The following RBFOX3 variants were observed in gnomAD, a reference collection of about 807,000 sequenced individuals.
RBFOX3 encodes the protein RNA binding fox-1 homolog 3, also known as RNA binding protein fox-1 homolog 3.
In RBFOX3, 17 loss-of-function variants were observed where a neutral mutation model predicts 48.7. The observed-to-expected ratio is 0.35, with a 90% confidence interval of 0.24 to 0.52. The LOEUF (loss-of-function observed/expected upper bound fraction) is 0.52, where lower values mean the gene tolerates loss of function less well. Ranked by LOEUF, RBFOX3 falls within the 20% of genes least tolerant of loss-of-function variation. The probability of loss-of-function intolerance (pLI) is 0.94; values close to 1 mark genes in which losing one functional copy is unlikely to be tolerated. For missense variants in RBFOX3, 382 were observed against 497.5 expected (o/e 0.77, Z 2.21); for synonymous variants, 212 against 209.5 (o/e 1.01, Z -0.10).
chr17:79,099,569 G>A (rs902147517), intron 9 of RBFOX3: 1 of 152,270 alleles, frequency 6.6e-6, no homozygotes, highest in Non-Finnish European at 1.5e-5. Flanking sequence ...ACTCTTCTGG[G>A]TCCACTCTGG....
At chr17:79,157,161 T>G (rs2045993511) in intron 4 of RBFOX3, among the ~76,000 whole-genome samples, 1 of 152,164 alleles carries the variant, frequency 6.6e-6, no homozygotes, top group African/African-American at 2.4e-5. Context: ...CTCTCTCCTT[T>G]GCGTGTCTCA....
chr17:79,469,131 A>C (rs932853957), intron 2 of RBFOX3, among the ~76,000 whole-genome samples: 1 of 142,718 alleles, frequency 7.0e-6, no homozygotes, highest in African/African-American at 2.8e-5. Flanking sequence ...TCTATAGAGG[A>C]GAAAATGTAG....
At position 79,103,303 on chromosome 17, in the gene RBFOX3, G is replaced by T; in HGVS notation, c.415-49C>A. 1.5e-6 allele frequency: 2 copies of T among 1,303,760 alleles called. No homozygotes were observed. Among genetic ancestry groups the T allele is most frequent in the Non-Finnish European group, 2.2e-6 (2 of 922,026 alleles). The allele number at this position is 1,303,760 out of a possible 1,614,324, so 80.8% of individuals were successfully genotyped here. The stretch of plus-strand genomic sequence containing the variant: ...ACAGGCACGGAGAGGAGGACACAGG[G>T]CGAGAAAGAGGAGGAAGACGAGGAA... On this transcript the variant is annotated intron_variant, in intron 7 of 14. Coordinates refer to ENST00000693108, the MANE Select transcript of RBFOX3 (RefSeq NM_001350451.2). This position sits in a 1 kb window ranked among gnomAD's most constrained non-coding sequence, Gnocchi z 6.1.
chr17:79,144,471 G>A (rs2042609912), intron 4 of RBFOX3, among the ~76,000 whole-genome samples: 1 of 152,166 alleles, frequency 6.6e-6, no homozygotes, highest in African/African-American at 2.4e-5. Context: ...GCTCTTTCCT[G>A]GTGTGGGGCA....
At chr17:79,187,438 C>T (rs1365168007) in intron 4 of RBFOX3, among the ~76,000 whole-genome samples, 7 of 152,314 alleles carry the variant, frequency 4.6e-5, no homozygotes, top group Admixed American at 2.6e-4. Context: ...TGCTTGGCCG[C>T]GCCAAGCCGA....
chr17:79,216,318 T>C (rs143889155), intron 4 of RBFOX3, among the ~76,000 whole-genome samples: 42 of 152,216 alleles, frequency 2.8e-4, no homozygotes, highest in African/African-American at 7.9e-4. Context: ...ACAGGGTCCA[T>C]GTGAGGAAGT....
chr17:79,605,234 C>A (rs1052228574), intron 1 of RBFOX3, among the ~76,000 whole-genome samples: 296 of 152,208 alleles, frequency 1.9e-3, no homozygotes, highest in African/African-American at 5.7e-3. Context: ...AGACAAGATG[C>A]CTTGGCACAC....
At chr17:79,388,715 A>C (rs1464164525) in intron 2 of RBFOX3, among the ~76,000 whole-genome samples, 1 of 152,154 alleles carries the variant, frequency 6.6e-6, no homozygotes, top group Non-Finnish European at 1.5e-5. Flanking sequence ...CGGCAAGGAC[A>C]CAGGTGGCAG....
chr17:79,228,038 G>A (rs760450671), intron 4 of RBFOX3, among the ~76,000 whole-genome samples: 5 of 152,226 alleles, frequency 3.3e-5, no homozygotes, highest in Non-Finnish European at 5.9e-5. Context: ...GGACCCAGGT[G>A]TGGGCAGCCA....
chr17:79,444,538 C>G (rs782732922), intron 2 of RBFOX3, among the ~76,000 whole-genome samples: 3 of 152,258 alleles, frequency 2.0e-5, no homozygotes, highest in Middle Eastern at 3.4e-3. Flanking sequence ...CCCAGCCTCC[C>G]TCACCAAACC....
chr17:79,458,179 G>C (rs2074839922), intron 2 of RBFOX3, among the ~76,000 whole-genome samples: 1 of 152,218 alleles, frequency 6.6e-6, no homozygotes, highest in Non-Finnish European at 1.5e-5. Context: ...GCAGTGTCTC[G>C]AAGCAGTCGG....
At chr17:79,283,265 C>CT (rs11307023) in intron 3 of RBFOX3, among the ~76,000 whole-genome samples, 148 of 114,572 alleles carry the variant, frequency 1.3e-3, no homozygotes, top group African/African-American at 2.4e-3. Flanking sequence ...TGTTCCTTTT[C>CT]TTTTTTTTTT....
At chr17:79,358,104 C>T (rs2085567602) in intron 2 of RBFOX3, among the ~76,000 whole-genome samples, 1 of 152,042 alleles carries the variant, frequency 6.6e-6, no homozygotes, top group Non-Finnish European at 1.5e-5. Context: ...ACACCACCAG[C>T]CTAGCTAATT....
At chr17:79,389,576 G>GGAGA (rs1568164282) in intron 2 of RBFOX3, among the ~76,000 whole-genome samples, 1 of 152,144 alleles carries the variant, frequency 6.6e-6, no homozygotes, top group African/African-American at 2.4e-5. Context: ...ACCCTGCCTC[G>GGAGA]GCCTCAGTGG....
intron 1 of RBFOX3, among the ~76,000 whole-genome samples, chr17:79,505,478 G>T (rs1460383090): frequency 2.6e-5 from 4 of 152,088 alleles, no homozygotes; most frequent in African/African-American, 9.7e-5. Flanking sequence ...CAGACCCTGG[G>T]CTGCCTCTCT....
chr17:79,611,065 C>A (rs1156971636), upstream of RBFOX3, among the ~76,000 whole-genome samples: 2 of 150,636 alleles, frequency 1.3e-5, no homozygotes, highest in African/African-American at 4.9e-5. Flanking sequence ...TTCGGAGCAG[C>A]CCCGCGCTCG....
intron 2 of RBFOX3, among the ~76,000 whole-genome samples, chr17:79,398,846 T>A (rs1260046222): frequency 2.0e-5 from 3 of 152,212 alleles, no homozygotes; most frequent in Non-Finnish European, 4.4e-5. Context: ...ACAGCTGAAC[T>A]GTGTCCCTCT....
chr17:79,267,095 C>T (rs776674905), intron 3 of RBFOX3, among the ~76,000 whole-genome samples: 3 of 152,078 alleles, frequency 2.0e-5, no homozygotes, highest in Non-Finnish European at 4.4e-5. Flanking sequence ...GGGGACTTTG[C>T]CCTGCACCTT....
Position 79,420,128 on chromosome 17 carries a change from T to TACACACACACACACACAC in RBFOX3, c.-175+62308_-175+62325dup, listed in dbSNP as rs58282867. Reference sequence around the variant, plus strand: ...GGCAACAGAGCAAGACTCCGTCTCATACACACACACACACACACACACACA... The same window carrying TACACACACACACACACAC: ...GGCAACAGAGCAAGACTCCGTCTCATACACACACACACACACACACACACACACACACACACACACACA... On this transcript the variant is annotated intron_variant, in intron 2 of 14. Transcript: ENST00000693108. 2.3e-3 allele frequency among the ~76,000 whole-genome samples: 265 copies of TACACACACACACACACAC among 114,330 alleles called. 4 individuals are homozygous for TACACACACACACACACAC. The highest frequency in any genetic ancestry group is 8.7e-3 in the African/African-American group (245 of 28,320). The allele number at this position is 114,330 out of a possible 152,430, so 75.0% of individuals were successfully genotyped here.
Sources: gnomAD v4.1 joint callset for allele counts (sites outside exome capture counted in the v4.1 genomes callset) on GRCh38, gnomAD v4.1.1 for gene constraint, Gnocchi (gnomAD v3.1) non-coding constraint, MANE v1.5 for transcripts, NCBI Gene and HGNC (gene_info 2026-07-23, HGNC 2026-07-21) for gene names.